The following PCDHA6 variants were observed in gnomAD, a reference collection of about 807,000 sequenced individuals.
The protein encoded by PCDHA6 is protocadherin alpha-6.
PCDHA6 carries 55 observed loss-of-function variants against 60.3 expected under a neutral mutation model. That is an observed-to-expected ratio of 0.91 (90% CI 0.73 to 1.14). The LOEUF (loss-of-function observed/expected upper bound fraction) is 1.14. Ranked by LOEUF, PCDHA6 falls within the 50% of genes most tolerant of loss-of-function variation. The probability of loss-of-function intolerance (pLI) is 0.00; values close to 1 mark genes in which losing one functional copy is unlikely to be tolerated. For synonymous variants in PCDHA6, 652 were observed against 557.9 expected (o/e 1.17, Z -2.38); for missense variants, 1,327 against 1,256.5 (o/e 1.06, Z -0.85).
chr5:140,966,061 C>T (rs2095963591), intron 1 of PCDHA6, among the ~76,000 whole-genome samples: 1 of 152,222 alleles, frequency 6.6e-6, no homozygotes, highest in Non-Finnish European at 1.5e-5. Flanking sequence ...CCCAGAGCGC[C>T]TCCCCCTGCG....
chr5:140,882,918 G>A (rs1554176085), intron 1 of PCDHA6: 1 of 1,614,186 alleles, frequency 6.2e-7, no homozygotes, highest in South Asian at 1.1e-5. Context: ...GCCAGTGATG[G>A]AGGTAAACCC....
At chr5:140,849,694 C>A (rs2041050724) in intron 1 of PCDHA6, 1 of 1,598,594 alleles carries the variant, frequency 6.3e-7, no homozygotes, top group African/African-American at 1.3e-5. Flanking sequence ...CTGGTGTCCA[C>A]CTACAAGAAT....
At chr5:140,844,736 G>C (rs1001272539) in intron 1 of PCDHA6, among the ~76,000 whole-genome samples, 3 of 149,298 alleles carry the variant, frequency 2.0e-5, no homozygotes, top group Non-Finnish European at 4.5e-5. Context: ...AAAATATTTA[G>C]TATTATGGGA....
intron 1 of PCDHA6, among the ~76,000 whole-genome samples, chr5:140,921,218 T>G (rs1554200138): frequency 6.6e-6 from 1 of 152,126 alleles, no homozygotes; most frequent in African/African-American, 2.4e-5. Context: ...TTCACGTCTT[T>G]TTTGCTAGAT....
intron 1 of PCDHA6, among the ~76,000 whole-genome samples, chr5:140,844,056 C>T (rs2150368567): frequency 1.3e-5 from 2 of 149,686 alleles, no homozygotes; most frequent in African/African-American, 4.9e-5. Context: ...TCCCCCAAAG[C>T]GTTTATTCTT....
At chr5:140,978,861 T>C (rs540878929) in intron 1 of PCDHA6, 88 bp from the exon 2 acceptor site, 1 of 1,599,110 alleles carries the variant, frequency 6.3e-7, no homozygotes, top group African/African-American at 1.3e-5. Flanking sequence ...CCTGGAAATA[T>C]TTAAGGGAGT....
chr5:140,860,946 C>A (rs1196605227), intron 1 of PCDHA6: 8 of 152,212 alleles, frequency 5.3e-5, no homozygotes, highest in African/African-American at 1.9e-4. Context: ...ACCGTGTTAG[C>A]CAGGATGGTC....
chr5:140,926,703 C>G (rs2083476417), intron 1 of PCDHA6: 2 of 835,304 alleles, frequency 2.4e-6, no homozygotes, highest in Admixed American at 7.4e-5. Context: ...CGGCTCCCAG[C>G]TGGCCAGCCC....
rs201890234 is a variant in PCDHA6, at chr5:140,842,178, A to C, written c.2394+11693A>C. ...TCATATTCTTTTAATAGCCTTGTTG[A>C]AACTATGGTTATTGACCACTTTAGC... On this transcript the variant is annotated intron_variant, in intron 1 of 3. Transcript: ENST00000529310. 3.1e-4 allele frequency: 494 copies of C among 1,613,248 alleles called. 6 individuals are homozygous for C. Among genetic ancestry groups the C allele is most frequent in the African/African-American group, 2.3e-3 (170 of 74,856 alleles).
rs542536806 is a variant in PCDHA6, at chr5:140,896,054, G to T, written c.2394+65569G>T. Among the ~76,000 whole-genome samples the T allele has an allele frequency of 4.6e-5, 7 of 151,966 alleles. 1 individual carries two copies. In the East Asian group the frequency reaches 1.4e-3, roughly 30 times the overall value. On this transcript the variant is annotated intron_variant, in intron 1 of 3. Transcript: ENST00000529310. ...TCGAACTCCTGACCTCAGGTGATCC[G>T]CCTGCCTCGGCCTCCCAACATGCTG...
chr5:140,842,142 A>G (rs2150330261), intron 1 of PCDHA6: 7 of 1,613,746 alleles, frequency 4.3e-6, no homozygotes, highest in Middle Eastern at 1.6e-4. Context: ...GAAGGAGCCA[A>G]TGGGGCAATT....
chr5:140,831,510 TG>T (rs1269188191), intron 1 of PCDHA6, among the ~76,000 whole-genome samples: 3 of 137,202 alleles, frequency 2.2e-5, no homozygotes, highest in Non-Finnish European at 4.6e-5. Flanking sequence ...AGCACCACCA[TG>T]CCCCCCACCT....
At chr5:140,872,598 A>G (rs1211346027) in intron 1 of PCDHA6, among the ~76,000 whole-genome samples, 1 of 152,158 alleles carries the variant, frequency 6.6e-6, no homozygotes, top group African/African-American at 2.4e-5. Context: ...CCCCCATCTG[A>G]AAAAATAATT....
intron 1 of PCDHA6, among the ~76,000 whole-genome samples, chr5:140,956,211 T>C (rs908749043): frequency 6.6e-6 from 1 of 152,198 alleles, no homozygotes; most frequent in African/African-American, 2.4e-5. Context: ...AAAGAGGGCA[T>C]CCTTGTCTTG....
intron 1 of PCDHA6, chr5:140,929,493 A>G: frequency 9.4e-7 from 1 of 1,059,368 alleles, no homozygotes; most frequent in Non-Finnish European, 1.3e-6. Flanking sequence ...GTATTAGAAG[A>G]TTGCCCTAGG....
rs2150364461 is a variant in PCDHA6, at chr5:140,843,643, C to T, written c.2394+13158C>T. 81 of 1,595,634 alleles carry T rather than the reference C, an allele frequency of 5.1e-5. 5 individuals are homozygous for T. In the South Asian group the frequency reaches 8.1e-4, roughly 16 times the overall value. On this transcript the variant is annotated intron_variant, in intron 1 of 3. Transcript: ENST00000529310. ...AGACGGACCTCATGGCCTTCAGCCC[C>T]TGCCTTCCTCCTGATCTGGGATCAG...
At chr5:140,849,756 T>C (rs1554143259) in intron 1 of PCDHA6, 2 of 1,598,354 alleles carry the variant, frequency 1.3e-6, no homozygotes, top group Admixed American at 1.7e-5. Flanking sequence ...TGTGTCCGCC[T>C]ACGAGCTGGT....
intron 1 of PCDHA6, chr5:140,883,801 C>G: frequency 3.1e-6 from 5 of 1,612,430 alleles, no homozygotes; most frequent in Non-Finnish European, 4.2e-6. Flanking sequence ...TGTCGGTGCA[C>G]GCGGAGAGCG....
At chr5:140,884,414 C>G in intron 1 of PCDHA6, 2 of 1,614,008 alleles carry the variant, frequency 1.2e-6, no homozygotes, top group Non-Finnish European at 1.7e-6. Context: ...GCTCACGTTG[C>G]TGCTGTATAC....
Sources: gnomAD v4.1 joint callset for allele counts (sites outside exome capture counted in the v4.1 genomes callset) on GRCh38, gnomAD v4.1.1 for gene constraint, MANE v1.5 for transcripts, NCBI Gene and HGNC (gene_info 2026-07-23, HGNC 2026-07-21) for gene names.